The following ILDR1 variants were observed in gnomAD, a reference collection of about 807,000 sequenced individuals.
The protein encoded by ILDR1 is immunoglobulin-like domain-containing receptor 1.
Under a neutral mutation model 62.4 loss-of-function variants are expected in ILDR1, and 56 were observed. That is an observed-to-expected ratio of 0.90 (90% CI 0.72 to 1.12). The LOEUF is 1.12. Ranked by LOEUF, ILDR1 falls within the 50% of genes most tolerant of loss-of-function variation. ILDR1 has a pLI of 0.00. For missense variants in ILDR1, 736 were observed against 710.6 expected (o/e 1.04, Z -0.41); for synonymous variants, 284 against 277.8 (o/e 1.02, Z -0.22).
At chr3:122,007,210 T>G in intron 1 of ILDR1, 49 bp from the exon 2 acceptor site, 3 of 1,613,282 alleles carry the variant, frequency 1.9e-6, no homozygotes, top group Non-Finnish European at 2.5e-6. Flanking sequence ...ACTCTGCTCA[T>G]GGGTAAGAAA....
At chr3:122,040,577 A>C in the ILDR1 span, among the ~76,000 whole-genome samples, 2 of 152,050 alleles carry the variant, frequency 1.3e-5, no homozygotes, top group Non-Finnish European at 2.9e-5. Flanking sequence ...GGTATTAGCA[A>C]AAGAATAGAT....
chr3:122,022,096 C>A lies in ILDR1; in HGVS notation c.-19G>T. ...ATGCCATGCCGCCCCCTTTCTGGCC[C>A]TTTTCAGCTCAGGGGCTTCGGGGCA... On this transcript the variant is annotated 5_prime_UTR_variant, in exon 1 of 8. It adds an upstream start codon to the 5' untranslated region. Coordinates refer to ENST00000344209, the MANE Select transcript of ILDR1 (RefSeq NM_001199799.2). The A allele has an allele frequency of 6.3e-7, 1 of 1,593,300 alleles. No individual in the cohort carries two copies. Among genetic ancestry groups the A allele is most frequent in the South Asian group, 1.1e-5 (1 of 87,608 alleles).
chr3:122,050,899 G>A, the ILDR1 span, among the ~76,000 whole-genome samples: 1 of 152,076 alleles, frequency 6.6e-6, no homozygotes, highest in Non-Finnish European at 1.5e-5. Context: ...GGCTAGTTTT[G>A]CCAGAGAGAG....
At chr3:122,026,363 G>A (rs568310123), upstream of ILDR1, among the ~76,000 whole-genome samples, 4 of 152,296 alleles carry the variant, frequency 2.6e-5, no homozygotes, top group East Asian at 7.7e-4. Context: ...TGGAAATGGA[G>A]CAGAGAGAAT....
At chr3:122,020,345 T>C (rs2071837155) in intron 1 of ILDR1, among the ~76,000 whole-genome samples, 2 of 152,248 alleles carry the variant, frequency 1.3e-5, no homozygotes, top group African/African-American at 2.4e-5. Context: ...GTTTCGTAAC[T>C]TGCCCAGTGT....
At chr3:122,009,448 GA>G (rs5852288) in intron 1 of ILDR1, among the ~76,000 whole-genome samples, 91,020 of 151,656 alleles carry the variant, frequency 0.6, 27,956 homozygotes, top group Admixed American at 0.74. Context: ...CTCTCTCTCT[GA>G]GCTAGTTTCT....
chr3:122,060,776 T>C, the ILDR1 span, among the ~76,000 whole-genome samples: 2 of 152,198 alleles, frequency 1.3e-5, no homozygotes, highest in Non-Finnish European at 2.9e-5. Flanking sequence ...GCACATAACA[T>C]ACAGATTCTA....
intron 1 of ILDR1, among the ~76,000 whole-genome samples, chr3:122,018,850 C>A (rs1046726728): frequency 1.3e-5 from 2 of 152,134 alleles, no homozygotes; most frequent in Non-Finnish European, 2.9e-5. Flanking sequence ...ACCCCCTCAC[C>A]CTGAGATATA....
the ILDR1 span, among the ~76,000 whole-genome samples, chr3:122,047,869 G>A: frequency 1.6e-4 from 24 of 152,334 alleles, no homozygotes; most frequent in Admixed American, 1.1e-3. Flanking sequence ...GAAATCACCC[G>A]TCTTCTGCGT....
chr3:122,044,243 A>G, the ILDR1 span, among the ~76,000 whole-genome samples: 2 of 48,896 alleles, frequency 4.1e-5, no homozygotes, highest in African/African-American at 2.4e-4. Flanking sequence ...ATATTGAACC[A>G]GCCTTGCATC....
intron 5 of ILDR1, among the ~76,000 whole-genome samples, chr3:121,999,198 C>G (rs1559874001): frequency 6.6e-6 from 1 of 152,090 alleles, no homozygotes; most frequent in Non-Finnish European, 1.5e-5. Context: ...CATTATTTTT[C>G]CCTTAAAAAA....
intron 1 of ILDR1, among the ~76,000 whole-genome samples, chr3:122,021,157 T>C (rs2071849373): frequency 6.6e-6 from 1 of 152,118 alleles, no homozygotes; most frequent in South Asian, 2.1e-4. Context: ...GCAGCTATTC[T>C]GAAAGGGAGG....
At chr3:122,028,327 C>A in the ILDR1 span, among the ~76,000 whole-genome samples, 1 of 105,420 alleles carries the variant, frequency 9.5e-6, no homozygotes, top group Non-Finnish European at 1.8e-5. Context: ...CAGAGCGAGA[C>A]TCCATCTCAA....
the ILDR1 span, among the ~76,000 whole-genome samples, chr3:122,034,657 T>C: frequency 6.6e-6 from 1 of 152,214 alleles, no homozygotes; most frequent in East Asian, 1.9e-4. Context: ...TTGTTGTTTT[T>C]TCTATAAGAA....
intron 1 of ILDR1, chr3:122,007,419 G>A (rs2071632051): frequency 1.8e-6 from 1 of 567,996 alleles, no homozygotes; most frequent in Non-Finnish European, 3.1e-6. Context: ...TAACAGTGAT[G>A]ACATATCCAA....
the ILDR1 span, among the ~76,000 whole-genome samples, chr3:122,046,755 G>T: frequency 1.5e-5 from 2 of 134,844 alleles, no homozygotes; most frequent in African/African-American, 5.6e-5. Context: ...CTCGAGCCTT[G>T]GTTTTCAGCT....
chr3:122,002,335 ATC>A (rs1240457688), intron 3 of ILDR1, among the ~76,000 whole-genome samples: 1 of 152,126 alleles, frequency 6.6e-6, no homozygotes, highest in East Asian at 1.9e-4. Context: ...TCAAACCCAC[ATC>A]TCTCTGCCTC....
chr3:122,048,046 TTC>T, the ILDR1 span, among the ~76,000 whole-genome samples: 26 of 152,284 alleles, frequency 1.7e-4, no homozygotes, highest in African/African-American at 6.3e-4. Context: ...AGGAAAAGCT[TTC>T]TGTTTTTCAC....
chr3:122,021,966 A>G, intron 1 of ILDR1, 54 bp downstream of exon 1: 2 of 1,547,946 alleles, frequency 1.3e-6, no homozygotes, highest in Non-Finnish European at 1.8e-6. Context: ...GCCACGCCAC[A>G]ATGGCTTCCT....
Sources: gnomAD v4.1 joint callset for allele counts (sites outside exome capture counted in the v4.1 genomes callset) on GRCh38, gnomAD v4.1.1 for gene constraint, MANE v1.5 for transcripts, NCBI Gene and HGNC (gene_info 2026-07-23, HGNC 2026-07-21) for gene names.